RAD51B: variants seen among roughly 807,000 people sequenced by gnomAD.
RAD51B encodes RAD51 paralog B.
In RAD51B, 38 loss-of-function variants were observed where a neutral mutation model predicts 42.2. The ratio of observed to expected loss-of-function variants is 0.90; its 90% confidence interval spans 0.70 to 1.18. The LOEUF is 1.18. Ranked by LOEUF, RAD51B falls within the 50% of genes most tolerant of loss-of-function variation. The probability of loss-of-function intolerance (pLI) is 0.00; values close to 1 mark genes in which losing one functional copy is unlikely to be tolerated. For missense variants in RAD51B, 373 were observed against 400.7 expected, an observed-to-expected ratio of 0.93 and a Z score of 0.59; for synonymous variants, 154 against 145.2, an observed-to-expected ratio of 1.06 and a Z score of -0.43.
At chr14:68,585,656 C>T (rs965239048) in intron 10 of RAD51B, among the ~76,000 whole-genome samples, 14 of 152,156 alleles carry the variant, frequency 9.2e-5, no homozygotes, top group Non-Finnish European at 1.6e-4. Flanking sequence ...TGGAACAGGG[C>T]AGAGCAAACA....
intron 10 of RAD51B, chr14:68,540,870 G>A: frequency 1.0e-6 from 1 of 985,462 alleles, no homozygotes; most frequent in Non-Finnish European, 1.2e-6. Flanking sequence ...AAGATTCCAT[G>A]TAGGGAAGAA....
chr14:68,284,653 A>C (rs1325516515), intron 7 of RAD51B, among the ~76,000 whole-genome samples: 1 of 152,216 alleles, frequency 6.6e-6, no homozygotes, highest in Non-Finnish European at 1.5e-5. Context: ...GCAGTCCTTC[A>C]AGATGGAAAT....
chr14:67,960,114 TTG>T (rs367761490), intron 7 of RAD51B, among the ~76,000 whole-genome samples: 2 of 151,598 alleles, frequency 1.3e-5, no homozygotes, highest in African/African-American at 2.4e-5. Context: ...GTGTGTATGT[TTG>T]TGTGTGTGTG....
At chr14:68,384,478 G>A (rs2083549224) in intron 8 of RAD51B, among the ~76,000 whole-genome samples, 1 of 152,176 alleles carries the variant, frequency 6.6e-6, no homozygotes, top group Non-Finnish European at 1.5e-5. Flanking sequence ...GAGGCACAGG[G>A]CAGTAGATAA....
chr14:68,495,250 C>T (rs1263060999), intron 10 of RAD51B, among the ~76,000 whole-genome samples: 1 of 152,182 alleles, frequency 6.6e-6, no homozygotes, highest in Non-Finnish European at 1.5e-5. Context: ...AACCCTGCAT[C>T]CTGCCCACCC....
chr14:68,302,637 A>C (rs10135678), intron 8 of RAD51B, among the ~76,000 whole-genome samples: 2 of 152,016 alleles, frequency 1.3e-5, no homozygotes, highest in African/African-American at 4.8e-5. Context: ...TGAGAGCCCC[A>C]AACAGAGATT....
At chr14:68,530,265 G>A (rs890690318) in intron 10 of RAD51B, among the ~76,000 whole-genome samples, 48 of 151,338 alleles carry the variant, frequency 3.2e-4, no homozygotes, top group African/African-American at 1.1e-3. Flanking sequence ...GCAATGTGGC[G>A]AGACCCCATC....
chr14:68,389,716 G>A (rs1483891906), intron 8 of RAD51B, among the ~76,000 whole-genome samples: 1 of 152,196 alleles, frequency 6.6e-6, no homozygotes, highest in Non-Finnish European at 1.5e-5. Flanking sequence ...ATACAGAAAA[G>A]TAGAAAATTA....
intron 7 of RAD51B, among the ~76,000 whole-genome samples, chr14:68,158,687 G>C (rs897930516): frequency 6.6e-6 from 1 of 152,130 alleles, no homozygotes; most frequent in Admixed American, 6.5e-5. Flanking sequence ...AGTAAAAGTG[G>C]CATATCGTAA....
At chr14:68,563,098 T>G in intron 10 of RAD51B, 2 of 985,444 alleles carry the variant, frequency 2.0e-6, no homozygotes, top group South Asian at 4.7e-5. Flanking sequence ...CCGTCTGCCT[T>G]GTTGACTCTG....
intron 10 of RAD51B, among the ~76,000 whole-genome samples, chr14:68,589,850 C>T (rs532417354): frequency 1.3e-5 from 2 of 152,000 alleles, no homozygotes; most frequent in South Asian, 4.2e-4. Context: ...AGGGCTTTTT[C>T]CCCCCCATTT....
At chr14:68,338,491 A>G (rs1191152269) in intron 8 of RAD51B, among the ~76,000 whole-genome samples, 1 of 152,200 alleles carries the variant, frequency 6.6e-6, no homozygotes, top group Non-Finnish European at 1.5e-5. Context: ...CAATGAATCT[A>G]AATTCCTGAG....
intron 10 of RAD51B, among the ~76,000 whole-genome samples, chr14:68,520,450 T>G (rs1443749559): frequency 6.6e-6 from 1 of 152,246 alleles, no homozygotes; most frequent in East Asian, 1.9e-4. Flanking sequence ...ATTAGACAGT[T>G]AAGCTTGTAG....
chr14:68,275,561 C>T (rs2081204047), intron 7 of RAD51B, among the ~76,000 whole-genome samples: 1 of 151,994 alleles, frequency 6.6e-6, no homozygotes, highest in South Asian at 2.1e-4. Flanking sequence ...AGGGAATTGG[C>T]GAGAAGCTAT....
intron 7 of RAD51B, among the ~76,000 whole-genome samples, chr14:68,047,860 C>A (rs2076328256): frequency 6.6e-6 from 1 of 151,530 alleles, no homozygotes; most frequent in Non-Finnish European, 1.5e-5. Flanking sequence ...CTTTCTTTTT[C>A]TTTTTTTTAG....
chr14:68,629,733 C>T (rs555550173), intron 10 of RAD51B, among the ~76,000 whole-genome samples: 35 of 152,220 alleles, frequency 2.3e-4, no homozygotes, highest in Non-Finnish European at 4.8e-4. Context: ...CAGGGTCGGA[C>T]TTACATTCCC....
At chr14:68,671,178 G>T (rs1281339383) in intron 11 of RAD51B, among the ~76,000 whole-genome samples, 1 of 152,188 alleles carries the variant, frequency 6.6e-6, no homozygotes, top group Admixed American at 6.5e-5. Flanking sequence ...CATCCATCCT[G>T]GGTTGGTCCG....
intron 7 of RAD51B, among the ~76,000 whole-genome samples, chr14:68,174,394 A>G (rs1248861700): frequency 1.3e-5 from 2 of 152,156 alleles, no homozygotes; most frequent in Admixed American, 1.3e-4. Flanking sequence ...AAAAAAGAAA[A>G]AAAAAGTGGT....
intron 7 of RAD51B, among the ~76,000 whole-genome samples, chr14:67,981,785 G>C (rs1329232751): frequency 6.6e-6 from 1 of 152,100 alleles, no homozygotes; most frequent in African/African-American, 2.4e-5. Flanking sequence ...GCAGATGGGT[G>C]GTTACCTAGA....
Sources: gnomAD v4.1 joint callset for allele counts (sites outside exome capture counted in the v4.1 genomes callset) on GRCh38, gnomAD v4.1.1 for gene constraint, MANE v1.5 for transcripts, NCBI Gene and HGNC (gene_info 2026-07-23, HGNC 2026-07-21) for gene names.